Variants in LSAMP observed in about 807,000 individuals in gnomAD.
LSAMP encodes the protein limbic system-associated membrane protein.
Under a neutral mutation model 38.6 loss-of-function variants are expected in LSAMP, and 7 were observed. That is an observed-to-expected ratio of 0.18 (90% CI 0.10 to 0.34). LSAMP has a LOEUF of 0.34. Among genes scored for constraint, LSAMP ranks in the 10% least tolerant of loss-of-function variants. The probability of loss-of-function intolerance (pLI) is 1.00; values close to 1 mark genes in which losing one functional copy is unlikely to be tolerated. For synonymous variants in LSAMP, 154 were observed against 166.8 expected (o/e 0.92, Z 0.59); for missense variants, 313 against 420.0 (o/e 0.75, Z 2.23).
intron 1 of LSAMP, among the ~76,000 whole-genome samples, chr3:116,320,842 G>A (rs747699981): frequency 2.0e-5 from 3 of 152,020 alleles, no homozygotes; most frequent in South Asian, 2.1e-4. Context: ...AAATTTACTC[G>A]CAACATTTTA....
At chr3:116,293,285 A>G (rs114277317) in intron 1 of LSAMP, among the ~76,000 whole-genome samples, 1 of 152,230 alleles carries the variant, frequency 6.6e-6, no homozygotes, top group African/African-American at 2.4e-5. Flanking sequence ...CCTTCATTTT[A>G]AATTCTAATG....
At chr3:115,960,516 G>A (rs1276405612) in intron 3 of LSAMP, among the ~76,000 whole-genome samples, 1 of 152,130 alleles carries the variant, frequency 6.6e-6, no homozygotes, top group Admixed American at 6.6e-5. Flanking sequence ...TTTTTCCTAA[G>A]TAAAATTCTA....
At chr3:116,056,939 A>G (rs1339115466) in intron 2 of LSAMP, among the ~76,000 whole-genome samples, 1 of 152,180 alleles carries the variant, frequency 6.6e-6, no homozygotes, top group African/African-American at 2.4e-5. Flanking sequence ...AAAGAGAATG[A>G]CACAAAAAAA....
At position 115,846,832 on chromosome 3, in the gene LSAMP, G is replaced by A. The variant is rs370047865; in HGVS notation, c.650-4254C>T. ...TGTTGCATATTTCTATTATTTACAG[G>A]GTACAAACAATGGCACAACATGCGG... is the stretch of plus-strand genomic sequence containing the variant. On this transcript the variant is annotated intron_variant, in intron 4 of 6. Coordinates refer to ENST00000490035, the MANE Select transcript of LSAMP (RefSeq NM_002338.5). Among the ~76,000 whole-genome samples, 22 of 152,220 alleles carry A rather than the reference G, an allele frequency of 1.4e-4. No homozygotes were observed. The South Asian group carries it at 2.5e-3, about 17-fold the overall frequency.
intron 1 of LSAMP, among the ~76,000 whole-genome samples, chr3:116,271,328 T>C (rs572862813): frequency 3.3e-4 from 50 of 152,194 alleles, no homozygotes; most frequent in African/African-American, 1.2e-3. Flanking sequence ...CCAGCTTCTC[T>C]TGTAGACTAA....
At chr3:116,251,827 G>T (rs1444871730) in intron 1 of LSAMP, among the ~76,000 whole-genome samples, 1 of 152,134 alleles carries the variant, frequency 6.6e-6, no homozygotes, top group Admixed American at 6.5e-5. Context: ...CTTAAATCAT[G>T]TTGTACCTTT....
intron 3 of LSAMP, among the ~76,000 whole-genome samples, chr3:116,006,987 A>T (rs1021407404): frequency 2.0e-5 from 3 of 152,230 alleles, no homozygotes; most frequent in Non-Finnish European, 4.4e-5. Context: ...AGGCCAAAAA[A>T]ATTAAAGAAA....
chr3:116,395,955 T>C (rs1001140453), intron 1 of LSAMP, among the ~76,000 whole-genome samples: 1 of 152,136 alleles, frequency 6.6e-6, no homozygotes, highest in Non-Finnish European at 1.5e-5. Context: ...ACATTAATAA[T>C]TTTATATCAA....
intron 1 of LSAMP, among the ~76,000 whole-genome samples, chr3:116,418,232 T>C (rs1235095654): frequency 3.9e-5 from 6 of 152,210 alleles, no homozygotes; most frequent in African/African-American, 2.4e-5. Flanking sequence ...ATCCAATCTT[T>C]AGCACTGATC....
chr3:116,016,360 C>T (rs1015109902), intron 3 of LSAMP, among the ~76,000 whole-genome samples: 3 of 152,090 alleles, frequency 2.0e-5, no homozygotes, highest in Admixed American at 1.3e-4. Flanking sequence ...AGTAGTCTGC[C>T]CTCAAGTCTG....
At chr3:116,382,934 C>A (rs2048580859) in intron 1 of LSAMP, among the ~76,000 whole-genome samples, 1 of 152,034 alleles carries the variant, frequency 6.6e-6, no homozygotes, top group African/African-American at 2.4e-5. Flanking sequence ...AGAATGCTTT[C>A]AAAAAGGAAA....
chr3:115,877,497 G>C (rs1469682709), intron 3 of LSAMP, among the ~76,000 whole-genome samples: 1 of 151,936 alleles, frequency 6.6e-6, no homozygotes, highest in East Asian at 1.9e-4. Flanking sequence ...TGAGCGTAAT[G>C]CCTACAAAAA....
At chr3:116,145,878 T>C (rs1488182106) in intron 1 of LSAMP, among the ~76,000 whole-genome samples, 1 of 151,970 alleles carries the variant, frequency 6.6e-6, no homozygotes, top group Non-Finnish European at 1.5e-5. Context: ...TTTTTAATTG[T>C]ATTGACTACA....
chr3:116,014,132 A>T (rs1940410012), intron 3 of LSAMP, among the ~76,000 whole-genome samples: 1 of 152,170 alleles, frequency 6.6e-6, no homozygotes. Context: ...ATGGTGTGAA[A>T]GTCATATGCA....
chr3:115,926,701 C>G (rs1211086096), intron 3 of LSAMP, among the ~76,000 whole-genome samples: 3 of 152,160 alleles, frequency 2.0e-5, no homozygotes, highest in Non-Finnish European at 4.4e-5. Context: ...AATACAGGAC[C>G]TGGCAAATGC....
At chr3:116,147,696 C>G (rs920118484) in intron 1 of LSAMP, among the ~76,000 whole-genome samples, 3 of 151,818 alleles carry the variant, frequency 2.0e-5, no homozygotes, top group Non-Finnish European at 4.4e-5. Flanking sequence ...GTCCATTATC[C>G]TTGATCTTTC....
intron 1 of LSAMP, among the ~76,000 whole-genome samples, chr3:116,327,924 G>T (rs971737119): frequency 6.6e-6 from 1 of 152,122 alleles, no homozygotes; most frequent in African/African-American, 2.4e-5. Flanking sequence ...AAACGGTCAG[G>T]ACTCCTGATG....
chr3:116,005,382 G>T (rs940674289), intron 3 of LSAMP, among the ~76,000 whole-genome samples: 1 of 152,106 alleles, frequency 6.6e-6, no homozygotes, highest in Non-Finnish European at 1.5e-5. Context: ...ACTGGCCATG[G>T]TAGCAGCCCT....
At chr3:116,340,803 A>G (rs934207613) in intron 1 of LSAMP, among the ~76,000 whole-genome samples, 2 of 152,014 alleles carry the variant, frequency 1.3e-5, no homozygotes, top group African/African-American at 4.8e-5. Context: ...GAACCTAGGA[A>G]TTATTATAAC....
Sources: allele counts gnomAD v4.1 joint callset (sites outside exome capture counted in the v4.1 genomes callset), GRCh38; gene constraint gnomAD v4.1.1; transcripts MANE v1.5; gene names NCBI Gene and HGNC (gene_info 2026-07-23, HGNC 2026-07-21).